DMBT1: variants seen among roughly 807,000 people sequenced by gnomAD.
The protein encoded by DMBT1 is deleted in malignant brain tumors 1, also known as scavenger receptor cysteine-rich domain-containing protein DMBT1.
A neutral mutation model predicts 252.9 loss-of-function variants in DMBT1; 198 were observed. The observed-to-expected ratio is 0.78, with a 90% confidence interval of 0.70 to 0.88. The LOEUF is 0.88. DMBT1 is among the 40% of genes least tolerant of loss of function. The pLI, the probability that DMBT1 is intolerant of heterozygous loss-of-function variation, is 0.00. For synonymous variants in DMBT1, 990 were observed against 942.7 expected (o/e 1.05, Z -0.92); for missense variants, 2,432 against 2,404.7 (o/e 1.01, Z -0.24).
At chr10:122,571,054 T>C in intron 4 of DMBT1, 117 bp downstream of exon 4, 1 of 1,259,648 alleles carries the variant, frequency 7.9e-7, no homozygotes, top group Non-Finnish European at 1.2e-6. Context: ...TGTCATGTTC[T>C]CAGGTAGTGT....
chr10:122,619,447 T>C (rs776853537), intron 42 of DMBT1, 110 bp downstream of exon 42: 2 of 1,429,624 alleles, frequency 1.4e-6, no homozygotes, highest in Non-Finnish European at 2.0e-6. Flanking sequence ...GTGGGGCATA[T>C]TATTTTTCCT....
At chr10:122,624,161 C>T (rs560600730) in intron 44 of DMBT1, among the ~76,000 whole-genome samples, 30 of 152,194 alleles carry the variant, frequency 2.0e-4, no homozygotes, top group East Asian at 1.6e-3. Flanking sequence ...GAGCTGGTCT[C>T]GGTTGCATCC....
intron 1 of DMBT1, among the ~76,000 whole-genome samples, chr10:122,563,855 A>G (rs573516717): frequency 4.5e-4 from 68 of 152,322 alleles, no homozygotes; most frequent in South Asian, 2.1e-3. Context: ...GGGATTAGGC[A>G]GGATACCTGG....
At chr10:122,635,970 T>C in intron 52 of DMBT1, 21 bp from the exon 53 acceptor site, 1 of 1,613,134 alleles carries the variant, frequency 6.2e-7, no homozygotes, top group South Asian at 1.1e-5. Context: ...TGAAGCCAAA[T>C]GGTGTGTCCT....
rs761101510 is a variant in DMBT1 at position 122,585,285 on chromosome 10, A to C, written c.1435A>C (p.Ile479Leu). 6.3e-7 allele frequency: 1 copy of C among 1,587,000 alleles called. No homozygotes were observed. The highest frequency in any genetic ancestry group is 1.7e-5 in the Admixed American group (1 of 59,528). ...STPSPDTLPT[I>L]TLPASTVGSE... is the part of the protein sequence containing the mutation. Reference sequence around the variant, plus strand: ...TGCAATTACAGACACGTTGCCGACCATCACCTTACCTGCATCGACAGTAGG... The same window carrying C: ...TGCAATTACAGACACGTTGCCGACCCTCACCTTACCTGCATCGACAGTAGG... Residue 479 changes from isoleucine to leucine, a missense_variant, in exon 15 of 56, where the codon ATC (isoleucine) becomes CTC (leucine). Ile to Leu is a conservative substitution (Grantham distance 5). Coordinates refer to ENST00000338354, the MANE Select transcript of DMBT1 (RefSeq NM_001377530.1).
chr10:122,638,102 A>G (rs989854230), intron 54 of DMBT1, among the ~76,000 whole-genome samples: 1 of 152,166 alleles, frequency 6.6e-6, no homozygotes, highest in East Asian at 1.9e-4. Flanking sequence ...TAGTCACCCT[A>G]CAAGTGGCAG....
intron 54 of DMBT1, 136 bp downstream of exon 54, chr10:122,637,448 TA>T: frequency 9.4e-7 from 1 of 1,060,232 alleles, no homozygotes; most frequent in Non-Finnish European, 1.3e-6. Flanking sequence ...TAAAGGAAGA[TA>T]AAAAACCTTT....
In DMBT1 at chr10:122,643,273, C is replaced by T. The variant is rs962392411; in HGVS notation, c.7504C>T (p.Arg2502Cys). The part of the protein sequence containing the change: ...VVCRAYDPSS[R>C]CYRGCVLRSK... ...GTGCAGAGCGTATGACCCCTCTTCCCGCTGCTACCGAGGCTGTGTGTTGAG... is the reference window on the plus strand; with the variant it reads ...GTGCAGAGCGTATGACCCCTCTTCCTGCTGCTACCGAGGCTGTGTGTTGAG... Residue 2502 changes from arginine to cysteine, a missense_variant, in exon 56 of 56, where the codon CGC (arginine) becomes TGC (cysteine). By Grantham distance (180) the Arg-to-Cys change is radical. Coordinates refer to ENST00000338354, the MANE Select transcript of DMBT1 (RefSeq NM_001377530.1). 5 of 1,613,930 alleles carry T rather than the reference C, an allele frequency of 3.1e-6. No homozygotes were observed. Among genetic ancestry groups the T allele is most frequent in the Non-Finnish European group, 4.2e-6 (5 of 1,179,890 alleles).
At chr10:122,587,386 G>A (rs139662701) in intron 16 of DMBT1, among the ~76,000 whole-genome samples, 1 of 148,846 alleles carries the variant, frequency 6.7e-6, no homozygotes, top group African/African-American at 2.4e-5. Flanking sequence ...GGGGGTGTGA[G>A]TGCTTGATTG....
intron 19 of DMBT1, 150 bp downstream of exon 19, chr10:122,591,667 C>A: frequency 1.1e-6 from 1 of 944,824 alleles, no homozygotes; most frequent in Non-Finnish European, 1.6e-6. Context: ...CTCTGGGGAA[C>A]CAGTCCCGGG....
At chr10:122,569,876 T>A (rs1372401395) in intron 2 of DMBT1, among the ~76,000 whole-genome samples, 1 of 152,218 alleles carries the variant, frequency 6.6e-6, no homozygotes, top group Non-Finnish European at 1.5e-5. Flanking sequence ...TTGGATCTTG[T>A]GACTAGGATG....
At chr10:122,576,258 C>A in intron 6 of DMBT1, 141 bp from the exon 7 acceptor site, 1 of 1,275,042 alleles carries the variant, frequency 7.8e-7, no homozygotes, top group Non-Finnish European at 1.1e-6. Context: ...GAACTCTAAC[C>A]TTAAGGCCTG....
At chr10:122,628,782 T>C (rs896215344) in intron 46 of DMBT1, among the ~76,000 whole-genome samples, 1 of 152,204 alleles carries the variant, frequency 6.6e-6, no homozygotes, top group Non-Finnish European at 1.5e-5. Context: ...GGCAAATCTA[T>C]AGAGACAGAA....
At chr10:122,599,198 G>A in intron 26 of DMBT1, 101 bp downstream of exon 26, 1 of 1,579,008 alleles carries the variant, frequency 6.3e-7, no homozygotes, top group Non-Finnish European at 8.6e-7. Context: ...CTTCTTCTAT[G>A]TTTTCTATAT....
At chr10:122,575,185 T>C (rs1591214905) in intron 6 of DMBT1, among the ~76,000 whole-genome samples, 1 of 152,252 alleles carries the variant, frequency 6.6e-6, no homozygotes, top group South Asian at 2.1e-4. Context: ...TGTTCAATGT[T>C]GTACTGGAGG....
intron 2 of DMBT1, 56 bp from the exon 3 acceptor site, chr10:122,570,106 C>G (rs1028804653): frequency 2.7e-6 from 4 of 1,472,072 alleles, no homozygotes; most frequent in African/African-American, 2.8e-5. Context: ...AGCCAGGGAC[C>G]AGCCCTCCCC....
chr10:122,588,836 C>T, intron 16 of DMBT1, 108 bp from the exon 17 acceptor site: 2 of 1,539,562 alleles, frequency 1.3e-6, no homozygotes, highest in Non-Finnish European at 8.8e-7. Context: ...ATCGTGACTG[C>T]CTGCCCAGGT....
intron 52 of DMBT1, among the ~76,000 whole-genome samples, chr10:122,635,523 C>T (rs1366565630): frequency 6.6e-6 from 1 of 152,052 alleles, no homozygotes; most frequent in Non-Finnish European, 1.5e-5. Context: ...TTAAGGATAC[C>T]TATGACTTTC....
intron 15 of DMBT1, 35 bp from the exon 16 acceptor site, chr10:122,586,025 A>G (rs1448531065): frequency 1.3e-6 from 2 of 1,587,240 alleles, no homozygotes; most frequent in African/African-American, 1.3e-5. Flanking sequence ...ACCTCATGAT[A>G]GGGATGGATG....
Sources: gnomAD v4.1 joint callset for allele counts (sites outside exome capture counted in the v4.1 genomes callset) on GRCh38, gnomAD v4.1.1 for gene constraint, MANE v1.5 for transcripts, NCBI Gene and HGNC (gene_info 2026-07-23, HGNC 2026-07-21) for gene names.